The following PCDHA6 variants were observed in gnomAD, a reference collection of about 807,000 sequenced individuals.
PCDHA6 encodes the protein protocadherin alpha-6.
Under a neutral mutation model 60.3 loss-of-function variants are expected in PCDHA6, and 55 were observed. That is an observed-to-expected ratio of 0.91 (90% CI 0.73 to 1.14). The LOEUF is 1.14. Among genes scored for constraint, PCDHA6 ranks in the 50% most tolerant of loss-of-function variants. The probability of loss-of-function intolerance (pLI) is 0.00; values close to 1 mark genes in which losing one functional copy is unlikely to be tolerated. For missense variants in PCDHA6, 1,327 were observed against 1,256.5 expected, an observed-to-expected ratio of 1.06 and a Z score of -0.85; for synonymous variants, 652 against 557.9, an observed-to-expected ratio of 1.17 and a Z score of -2.38.
intron 1 of PCDHA6, chr5:140,884,831 A>G (rs918582598): frequency 4.3e-6 from 4 of 939,604 alleles, no homozygotes; most frequent in Non-Finnish European, 6.0e-6. Flanking sequence ...GTGTTGGATT[A>G]TCCTTCAGAG....
chr5:140,971,580 T>C (rs1028418438), intron 1 of PCDHA6, among the ~76,000 whole-genome samples: 9 of 152,154 alleles, frequency 5.9e-5, no homozygotes, highest in African/African-American at 2.2e-4. Context: ...TTTCTTTTTT[T>C]CCTACCTAGT....
In PCDHA6 at chr5:140,874,972, G is replaced by A. The variant is rs2055201149; in HGVS notation, c.2394+44487G>A. On this transcript the variant is annotated intron_variant, in intron 1 of 3. Coordinates refer to ENST00000529310, the MANE Select transcript of PCDHA6 (RefSeq NM_018909.4). ...TTGTAAGCTATATAAGGGGAGGGGT[G>A]CTGTATATTATTCTGTATATCATTT... 2.6e-5 allele frequency among the ~76,000 whole-genome samples: 4 copies of A among 152,186 alleles called. No homozygotes were observed. In the South Asian group the frequency reaches 6.2e-4, roughly 24 times the overall value.
intron 1 of PCDHA6, chr5:140,857,764 G>C (rs552891884): frequency 2.5e-6 from 4 of 1,597,520 alleles, no homozygotes; most frequent in Non-Finnish European, 3.4e-6. Context: ...CTGGCAGCGC[G>C]GGCGGTGCAG....
At chr5:140,876,173 A>T (rs369965805) in intron 1 of PCDHA6, 66 of 1,613,862 alleles carry the variant, frequency 4.1e-5, no homozygotes, top group Middle Eastern at 1.6e-4. Context: ...ACCGTCCTGG[A>T]TGTGAATGAC....
chr5:140,955,585 T>G (rs1438222402), intron 1 of PCDHA6, among the ~76,000 whole-genome samples: 1 of 152,198 alleles, frequency 6.6e-6, no homozygotes, highest in African/African-American at 2.4e-5. Context: ...CAATTAAACC[T>G]CTTTCTTTTA....
At chr5:140,955,989 A>C (rs2095245782) in intron 1 of PCDHA6, among the ~76,000 whole-genome samples, 1 of 152,172 alleles carries the variant, frequency 6.6e-6, no homozygotes, top group Non-Finnish European at 1.5e-5. Flanking sequence ...ATTTTTGCAC[A>C]TTGATTTTGT....
At chr5:140,830,805 C>A (rs1771253279) in intron 1 of PCDHA6, 1 of 158,172 alleles carries the variant, frequency 6.3e-6, no homozygotes, top group Non-Finnish European at 1.4e-5. Flanking sequence ...ATGGGATTTT[C>A]ATTTGTTTGC....
chr5:140,972,201 G>A (rs1554233905), intron 1 of PCDHA6, among the ~76,000 whole-genome samples: 1 of 152,058 alleles, frequency 6.6e-6, no homozygotes, highest in African/African-American at 2.4e-5. Flanking sequence ...GAGTATAGGT[G>A]TGAATATGGC....
chr5:140,841,660 G>T (rs2150320374), intron 1 of PCDHA6: 29 of 1,614,122 alleles, frequency 1.8e-5, no homozygotes, highest in Non-Finnish European at 2.5e-5. Context: ...TGGACAGGCC[G>T]CTGCAGGTTT....
At chr5:140,928,337 AT>A (rs549164954) in intron 1 of PCDHA6, 7 of 1,613,944 alleles carry the variant, frequency 4.3e-6, no homozygotes, top group Non-Finnish European at 5.9e-6. Flanking sequence ...CTTGTCTCTT[AT>A]GAGCTGTTGG....
At chr5:140,917,776 A>G (rs1222024686) in intron 1 of PCDHA6, among the ~76,000 whole-genome samples, 2 of 152,044 alleles carry the variant, frequency 1.3e-5, no homozygotes, top group Non-Finnish European at 2.9e-5. Flanking sequence ...TATTAGTACC[A>G]TGTTGTTTTG....
At chr5:140,909,812 A>T (rs1353892202) in intron 1 of PCDHA6, among the ~76,000 whole-genome samples, 1 of 151,982 alleles carries the variant, frequency 6.6e-6, no homozygotes, top group Non-Finnish European at 1.5e-5. Context: ...AAAACTCCAT[A>T]AGCCCCTACT....
At chr5:140,975,130 G>C (rs1445050521) in intron 1 of PCDHA6, among the ~76,000 whole-genome samples, 1 of 152,082 alleles carries the variant, frequency 6.6e-6, no homozygotes, top group Non-Finnish European at 1.5e-5. Flanking sequence ...CTTACTATTG[G>C]CCTGGGGTCA....
intron 1 of PCDHA6, chr5:140,966,896 C>G (rs910624863): frequency 6.3e-6 from 10 of 1,596,816 alleles, no homozygotes; most frequent in Non-Finnish European, 8.5e-6. Flanking sequence ...GGCCTCCCAG[C>G]TGCGATACTC....
intron 2 of PCDHA6, 148 bp from the exon 3 acceptor site, chr5:140,982,327 C>T: frequency 7.0e-7 from 1 of 1,419,146 alleles, no homozygotes; most frequent in Non-Finnish European, 9.4e-7. Context: ...AGGGTGACTG[C>T]TCAGCAGTAA....
chr5:140,858,298 G>A lies in PCDHA6; in HGVS notation c.2394+27813G>A. The A allele has an allele frequency of 1.3e-6, 2 of 1,597,204 alleles. 1 individual carries two copies. Among genetic ancestry groups the A allele is most frequent in the South Asian group, 2.2e-5 (2 of 90,438 alleles). ...CGGTGGGGAGCTGGTCTTACTCGCA[G>A]CAGAGGCGGCAGAGGGTGTGTTCTG... On this transcript the variant is annotated intron_variant, in intron 1 of 3. Transcript: ENST00000529310.
At chr5:140,948,519 CTA>C (rs2094266581) in intron 1 of PCDHA6, among the ~76,000 whole-genome samples, 1 of 151,476 alleles carries the variant, frequency 6.6e-6, no homozygotes, top group African/African-American at 2.4e-5. Context: ...AATGTTAACA[CTA>C]TTTATATTTT....
At chr5:140,843,543 G>A (rs2150362370) in intron 1 of PCDHA6, 1 of 1,595,904 alleles carries the variant, frequency 6.3e-7, no homozygotes, top group Non-Finnish European at 8.6e-7. Context: ...ACTCTGGTGT[G>A]CTCCAGTGCG....
intron 3 of PCDHA6, among the ~76,000 whole-genome samples, chr5:140,985,935 T>C (rs1563529145): frequency 6.6e-6 from 1 of 151,974 alleles, no homozygotes; most frequent in African/African-American, 2.4e-5. Context: ...GAGCCGGGGT[T>C]TCACTGTGTT....
Sources: allele counts gnomAD v4.1 joint callset (sites outside exome capture counted in the v4.1 genomes callset), GRCh38; gene constraint gnomAD v4.1.1; transcripts MANE v1.5; gene names NCBI Gene and HGNC (gene_info 2026-07-23, HGNC 2026-07-21).